Variants in ZNF292 observed in about 807,000 individuals in gnomAD.
The protein encoded by ZNF292 is 16 zinc-finger domain protein.
Under a neutral mutation model 217.9 loss-of-function variants are expected in ZNF292, and 26 were observed. That is an observed-to-expected ratio of 0.12 (90% CI 0.09 to 0.17). The LOEUF (loss-of-function observed/expected upper bound fraction) is 0.17. ZNF292 is among the 10% of genes least tolerant of loss of function. The pLI is 1.00. For synonymous variants in ZNF292, 1,257 were observed against 1,124.1 expected, an observed-to-expected ratio of 1.12 and a Z score of -2.37; for missense variants, 2,904 against 3,175.2, an observed-to-expected ratio of 0.91 and a Z score of 2.05.
At position 87,254,914 on chromosome 6, in the gene ZNF292, C is replaced by T; in HGVS notation, c.1285C>T (p.Arg429Cys). 6.2e-7 allele frequency: 1 copy of T among 1,613,820 alleles called. No individual in the cohort carries two copies. The highest frequency in any genetic ancestry group is 8.5e-7 in the Non-Finnish European group (1 of 1,179,834). ...EENLPIPNSLRCELLLVLKTQ... is the reference protein window; with the variant it reads ...EENLPIPNSLCCELLLVLKTQ... ...GAATCTTCCAATACCAAATTCTTTA[C>T]GCTGTGAGCTGTTACTTGTATTGAA... Residue 429 changes from arginine (R) to cysteine (C), a missense_variant, in exon 8 of 8, where the codon CGC becomes TGC. This residue lies in a region of ZNF292 where 15 missense variants were observed against 46.8 expected (regional missense o/e 0.32). Coordinates refer to ENST00000369577, the MANE Select transcript of ZNF292 (RefSeq NM_015021.3).
At chr6:87,201,409 TA>T (rs1403618885) in intron 1 of ZNF292, among the ~76,000 whole-genome samples, 1 of 152,224 alleles carries the variant, frequency 6.6e-6, no homozygotes, top group Non-Finnish European at 1.5e-5. Context: ...GTTGTTGTTT[TA>T]TTTTTTTCTT....
intron 1 of ZNF292, among the ~76,000 whole-genome samples, chr6:87,211,097 A>T (rs1173227982): frequency 4.6e-5 from 7 of 152,160 alleles, no homozygotes; most frequent in African/African-American, 1.7e-4. Context: ...GGTATGGTGG[A>T]GTGTGTCTTT....
At chr6:87,167,265 A>G (rs1247524829) in intron 1 of ZNF292, among the ~76,000 whole-genome samples, 1 of 152,238 alleles carries the variant, frequency 6.6e-6, no homozygotes, top group Admixed American at 6.5e-5. Flanking sequence ...AACTTGCAAA[A>G]GTTAAACTTC....
chr6:87,256,910 C>T lies in ZNF292; in HGVS notation c.3281C>T (p.Pro1094Leu), dbSNP rs1205468715. Residue 1094 changes from proline (P) to leucine (L), a missense_variant, in exon 8 of 8, where the codon CCA becomes CTA. This residue lies in a region of ZNF292 where 687 missense variants were observed against 623.0 expected (regional missense o/e 1.10). Transcript: ENST00000369577. ...ACTCCATCAGTGCCTCCAAAAGCTC[C>T]AGTTCAGAAATTCAGCTGCCAGGTC... ...LGTPSVPPKA[P>L]VQKFSCQVEG... 1 of 1,613,702 alleles carries T rather than the reference C, an allele frequency of 6.2e-7. No homozygotes were observed. Among genetic ancestry groups the T allele is most frequent in the African/African-American group, 1.3e-5 (1 of 74,906 alleles).
At chr6:87,162,814 C>A (rs1770794488) in intron 1 of ZNF292, among the ~76,000 whole-genome samples, 1 of 152,168 alleles carries the variant, frequency 6.6e-6, no homozygotes, top group South Asian at 2.1e-4. Flanking sequence ...TACTTATTTT[C>A]TTGAGATTCT....
chr6:87,257,078 A>T lies in ZNF292; in HGVS notation c.3449A>T (p.Asn1150Ile), dbSNP rs1450810115. The T allele has an allele frequency of 1.5e-5, 24 of 1,613,884 alleles. No individual in the cohort carries two copies. Among genetic ancestry groups the T allele is most frequent in the Non-Finnish European group, 2.0e-5 (24 of 1,179,830 alleles). ...GCTAACAACTTAAATACACCAAATA[A>T]TGGAAAGTTTGTTTATTTTTTGCCA... ...QKANNLNTPNNGKFVYFLPSP... is the reference protein window; with the variant it reads ...QKANNLNTPNIGKFVYFLPSP... The change falls in exon 8 of 8, where the codon AAT (asparagine) becomes ATT (isoleucine). Residue 1150 changes from asparagine (N) to isoleucine (I), a missense_variant. Physicochemically the swap from Asn to Ile is moderately radical, Grantham distance 149. This residue lies in a region of ZNF292 where 687 missense variants were observed against 623.0 expected (regional missense o/e 1.10). Coordinates refer to ENST00000369577, the MANE Select transcript of ZNF292 (RefSeq NM_015021.3).
intron 6 of ZNF292, 85 bp from the exon 7 acceptor site, chr6:87,245,418 A>T: frequency 9.6e-7 from 1 of 1,043,724 alleles, no homozygotes; most frequent in Non-Finnish European, 1.3e-6. Flanking sequence ...AACCAGTTTT[A>T]ATTTCAAATG....
chr6:87,163,861 A>G (rs1251007296), intron 1 of ZNF292, among the ~76,000 whole-genome samples: 1 of 152,206 alleles, frequency 6.6e-6, no homozygotes, highest in Non-Finnish European at 1.5e-5. Context: ...GCCAAGTGAT[A>G]GGATTGAAAG....
intron 1 of ZNF292, among the ~76,000 whole-genome samples, chr6:87,194,119 G>T (rs1027065591): frequency 6.6e-6 from 1 of 152,142 alleles, no homozygotes; most frequent in South Asian, 2.1e-4. Context: ...TTTTCATGTC[G>T]TATGTCTAGA....
intron 1 of ZNF292, among the ~76,000 whole-genome samples, chr6:87,157,077 A>G (rs997072004): frequency 6.6e-6 from 1 of 152,230 alleles, no homozygotes; most frequent in Non-Finnish European, 1.5e-5. Context: ...AAATATTGAA[A>G]TATTTTCTTT....
In ZNF292 at chr6:87,256,422, A is replaced by T. The variant is rs374628541; in HGVS notation, c.2793A>T (p.Gln931His). ...LENPATTPLLQSSEVAVSIKV... is the reference protein window; with the variant it reads ...LENPATTPLLHSSEVAVSIKV... ...ACCCTGCTACTACTCCTCTACTTCA[A>T]TCCAGTGAAGTAGCTGTGTCCATTA... Residue 931 changes from glutamine (Q) to histidine (H), a missense_variant, in exon 8 of 8, where the codon CAA (glutamine) becomes CAT (histidine). Coordinates refer to ENST00000369577, the MANE Select transcript of ZNF292 (RefSeq NM_015021.3). 6.2e-7 allele frequency: 1 copy of T among 1,606,912 alleles called. No individual in the cohort carries two copies. Among genetic ancestry groups the T allele is most frequent in the East Asian group, 2.2e-5 (1 of 44,878 alleles).
intron 1 of ZNF292, among the ~76,000 whole-genome samples, chr6:87,156,644 G>A (rs937866385): frequency 1.6e-4 from 24 of 152,228 alleles, no homozygotes; most frequent in African/African-American, 5.8e-4. Context: ...GGAGAAGACT[G>A]AGGTTCATGT....
chr6:87,257,176 C>A lies in ZNF292; in HGVS notation c.3547C>A (p.Gln1183Lys). Residue 1183 changes from glutamine (Q) to lysine (K), a missense_variant, in exon 8 of 8, where the codon CAG (glutamine) becomes AAG (lysine). Coordinates refer to ENST00000369577, the MANE Select transcript of ZNF292 (RefSeq NM_015021.3). ...KANGNPACSA[Q>K]LQHVSPPIFP... Reference sequence around the variant, plus strand: ...CAATGGGAATCCTGCTTGTTCGGCCCAGTTGCAGCATGTCTCGCCACCCAT... The same window carrying A: ...CAATGGGAATCCTGCTTGTTCGGCCAAGTTGCAGCATGTCTCGCCACCCAT... 1 of 1,613,892 alleles carries A rather than the reference C, an allele frequency of 6.2e-7. No homozygotes were observed. The highest frequency in any genetic ancestry group is 8.5e-7 in the Non-Finnish European group (1 of 1,179,862).
intron 1 of ZNF292, among the ~76,000 whole-genome samples, chr6:87,189,426 G>C (rs1279155699): frequency 2.0e-5 from 3 of 151,626 alleles, no homozygotes; most frequent in African/African-American, 7.3e-5. Flanking sequence ...GTCCATACTT[G>C]ATTCAGATCT....
intron 6 of ZNF292, among the ~76,000 whole-genome samples, chr6:87,243,929 A>G (rs1455770291): frequency 6.6e-6 from 1 of 152,192 alleles, no homozygotes; most frequent in East Asian, 1.9e-4. Flanking sequence ...TGTAAGCAAT[A>G]CATTTCTTTT....
At chr6:87,159,639 A>G (rs1770663173) in intron 1 of ZNF292, among the ~76,000 whole-genome samples, 1 of 151,564 alleles carries the variant, frequency 6.6e-6, no homozygotes, top group Admixed American at 6.6e-5. Flanking sequence ...AGTAGCTGGG[A>G]TTACAGGCAT....
intron 4 of ZNF292, among the ~76,000 whole-genome samples, chr6:87,228,911 A>G (rs1219865939): frequency 2.6e-5 from 4 of 151,968 alleles, no homozygotes; most frequent in Admixed American, 1.3e-4. Context: ...TAAAGATTCT[A>G]TATGAATTTT....
Position 87,155,673 on chromosome 6 carries a change from C to T in ZNF292, c.82C>T (p.Arg28Trp), listed in dbSNP as rs1018215636. ...CVAELQRLGE[R>W]LQELELQLRE... Reference sequence around the variant, plus strand: ...CGCGGAGCTGCAGCGCCTGGGCGAGCGGCTCCAGGAGCTGGAGCTACAGCT... The same window carrying T: ...CGCGGAGCTGCAGCGCCTGGGCGAGTGGCTCCAGGAGCTGGAGCTACAGCT... The change falls in exon 1 of 8, where the codon CGG (arginine) becomes TGG (tryptophan). Residue 28 changes from arginine (R) to tryptophan (W), a missense_variant. Physicochemically the swap from Arg to Trp is moderately radical, Grantham distance 101. Around this residue, in one of 15 missense-constraint regions of ZNF292, gnomAD observed 66 missense variants for 44.1 expected, o/e 1.50. Coordinates refer to ENST00000369577, the MANE Select transcript of ZNF292 (RefSeq NM_015021.3). 1 of 1,587,278 alleles carries T rather than the reference C, an allele frequency of 6.3e-7. No homozygotes were observed.
rs141830011 is a variant in ZNF292 at position 87,205,176 on chromosome 6, G to A, written c.169-10727G>A. On this transcript the variant is annotated intron_variant, in intron 1 of 7. Transcript: ENST00000369577. ...CAACCTCAAACTCCTGGGCTCGAGC[G>A]ATCCTCCAGCTTTAGCCTCCCAAGT... Among the ~76,000 whole-genome samples, 590 of 152,096 alleles carry A rather than the reference G, an allele frequency of 3.9e-3. 3 individuals carry two copies. The highest frequency in any genetic ancestry group is 0.014 in the African/African-American group (566 of 41,476).
Sources: allele counts gnomAD v4.1 joint callset (sites outside exome capture counted in the v4.1 genomes callset), GRCh38; gene constraint gnomAD v4.1.1; regional missense constraint gnomAD v4.1.1; transcripts MANE v1.5; gene names NCBI Gene and HGNC (gene_info 2026-07-23, HGNC 2026-07-21).